TP63: variants seen among roughly 807,000 people sequenced by gnomAD.
The protein encoded by TP63 is tumor protein p63.
In TP63, 17 loss-of-function variants were observed where a neutral mutation model predicts 82.8. The observed-to-expected ratio is 0.21, with a 90% CI of 0.14 to 0.31. The LOEUF (loss-of-function observed/expected upper bound fraction) is 0.31, where lower values mean the gene tolerates loss of function less well. Ranked by LOEUF, TP63 falls within the 10% of genes least tolerant of loss-of-function variation. TP63 has a pLI of 1.00. For synonymous variants in TP63, 330 were observed against 321.7 expected, an observed-to-expected ratio of 1.03 and a Z score of -0.28; for missense variants, 648 against 895.3, an observed-to-expected ratio of 0.72 and a Z score of 3.52.
chr3:189,693,472 A>T (rs1324691617), intron 1 of TP63, among the ~76,000 whole-genome samples: 1 of 152,164 alleles, frequency 6.6e-6, no homozygotes, highest in Non-Finnish European at 1.5e-5. Flanking sequence ...CTGAACCATG[A>T]ATCTTTATTT....
intron 1 of TP63, among the ~76,000 whole-genome samples, chr3:189,653,306 G>C (rs754154773): frequency 1.3e-5 from 2 of 152,106 alleles, no homozygotes; most frequent in Admixed American, 6.5e-5. Flanking sequence ...ACTGACCAAA[G>C]ACCAAAACAT....
intron 3 of TP63, among the ~76,000 whole-genome samples, chr3:189,792,402 C>G (rs1384370166): frequency 1.3e-5 from 2 of 151,980 alleles, no homozygotes; most frequent in Non-Finnish European, 2.9e-5. Context: ...CAAGTTTTAA[C>G]TTCAACTTTC....
intron 3 of TP63, among the ~76,000 whole-genome samples, chr3:189,796,923 G>A (rs993099121): frequency 6.6e-6 from 1 of 152,008 alleles, no homozygotes; most frequent in African/African-American, 2.4e-5. Context: ...AAGTACAAAT[G>A]GATCATTGTA....
intron 8 of TP63, among the ~76,000 whole-genome samples, 180 bp from the exon 9 acceptor site, chr3:189,869,144 C>T (rs1182305600): frequency 6.6e-6 from 1 of 152,132 alleles, no homozygotes; most frequent in Non-Finnish European, 1.5e-5. Flanking sequence ...ACAATTGTCC[C>T]CAGTTAAATG....
At chr3:189,879,665 G>A (rs943054229) in intron 10 of TP63, among the ~76,000 whole-genome samples, 15 of 151,888 alleles carry the variant, frequency 9.9e-5, no homozygotes, top group South Asian at 4.2e-4. Flanking sequence ...CCAGTAAACC[G>A]TATGCGAAGC....
chr3:189,725,941 G>C (rs1719744774), intron 1 of TP63, among the ~76,000 whole-genome samples: 1 of 151,926 alleles, frequency 6.6e-6, no homozygotes, highest in Non-Finnish European at 1.5e-5. Flanking sequence ...TGTAATCCCA[G>C]CTACTTGAGA....
At chr3:189,823,327 G>T (rs1016877306) in intron 4 of TP63, among the ~76,000 whole-genome samples, 1 of 152,230 alleles carries the variant, frequency 6.6e-6, no homozygotes, top group African/African-American at 2.4e-5. Context: ...CGCATGGGCA[G>T]TGTGCTGACA....
intron 9 of TP63, among the ~76,000 whole-genome samples, chr3:189,870,466 G>A (rs956220676): frequency 2.2e-4 from 33 of 151,954 alleles, no homozygotes; most frequent in African/African-American, 7.3e-4. Flanking sequence ...CATAGGTTAC[G>A]TGCAAATACT....
At chr3:189,873,040 A>G (rs1304420277) in intron 10 of TP63, 45 bp downstream of exon 10, 2 of 1,613,740 alleles carry the variant, frequency 1.2e-6, no homozygotes, top group African/African-American at 2.7e-5. Context: ...AGTGAGGGTG[A>G]CTTTATTTGG....
intron 1 of TP63, among the ~76,000 whole-genome samples, chr3:189,634,895 A>G (rs1729683194): frequency 6.6e-6 from 1 of 152,020 alleles, no homozygotes; most frequent in African/African-American, 2.4e-5. Flanking sequence ...GTTTGGGCTA[A>G]AACTTGGGCA....
At chr3:189,804,813 G>A (rs575747446) in intron 3 of TP63, among the ~76,000 whole-genome samples, 1 of 152,188 alleles carries the variant, frequency 6.6e-6, no homozygotes, top group Admixed American at 6.5e-5. Flanking sequence ...ACGCTTTCCA[G>A]GAAAAGACAA....
At chr3:189,606,810 C>G in the TP63 span, among the ~76,000 whole-genome samples, 1 of 152,014 alleles carries the variant, frequency 6.6e-6, no homozygotes, top group African/African-American at 2.4e-5. Context: ...CGCGACGGGC[C>G]AACCCCGCAA....
At chr3:189,672,860 A>G (rs978578908) in intron 1 of TP63, among the ~76,000 whole-genome samples, 1 of 152,162 alleles carries the variant, frequency 6.6e-6, no homozygotes, top group African/African-American at 2.4e-5. Context: ...TTAAACCTCT[A>G]GCAAGATTAA....
At chr3:189,739,801 T>A (rs943998564) in intron 3 of TP63, among the ~76,000 whole-genome samples, 5 of 149,456 alleles carry the variant, frequency 3.3e-5, no homozygotes, top group Admixed American at 2.7e-4. Flanking sequence ...TTTTTTTTTT[T>A]AATCATTTAT....
intron 10 of TP63, chr3:189,880,666 G>A (rs1030104549): frequency 1.2e-5 from 12 of 985,408 alleles, no homozygotes; most frequent in Non-Finnish European, 1.4e-5. Context: ...GACTCAGTCA[G>A]ACCCTTTTAA....
intron 1 of TP63, among the ~76,000 whole-genome samples, chr3:189,676,621 C>T (rs901416398): frequency 1.3e-5 from 2 of 151,670 alleles, no homozygotes; most frequent in African/African-American, 4.8e-5. Context: ...AGGGAGTACA[C>T]GTGGTACAGT....
intron 3 of TP63, among the ~76,000 whole-genome samples, chr3:189,771,859 C>A (rs1220081612): frequency 6.6e-6 from 1 of 152,114 alleles, no homozygotes; most frequent in Non-Finnish European, 1.5e-5. Context: ...TTGAAAGTTT[C>A]CTATGCATAT....
At chr3:189,853,563 T>C (rs920168977) in intron 4 of TP63, among the ~76,000 whole-genome samples, 2 of 152,212 alleles carry the variant, frequency 1.3e-5, no homozygotes, top group East Asian at 1.9e-4. Context: ...TATCATCTTA[T>C]TGAAGAATTC....
intron 1 of TP63, among the ~76,000 whole-genome samples, chr3:189,676,515 A>G (rs1197718846): frequency 1.3e-5 from 2 of 151,954 alleles, no homozygotes; most frequent in East Asian, 1.9e-4. Context: ...TAATATTTCA[A>G]TATGTATTTG....
Sources: gnomAD v4.1 joint callset for allele counts (sites outside exome capture counted in the v4.1 genomes callset) on GRCh38, gnomAD v4.1.1 for gene constraint, MANE v1.5 for transcripts, NCBI Gene and HGNC (gene_info 2026-07-23, HGNC 2026-07-21) for gene names.